Variants in SLC12A4 observed in about 807,000 individuals in gnomAD.
SLC12A4 encodes the protein electroneutral potassium-chloride cotransporter 1.
A neutral mutation model predicts 119.2 loss-of-function variants in SLC12A4; 84 were observed. That is an observed-to-expected ratio of 0.70 (90% CI 0.59 to 0.85). The LOEUF is 0.85. Ranked by LOEUF, SLC12A4 falls within the 40% of genes least tolerant of loss-of-function variation. The pLI, the probability that SLC12A4 is intolerant of heterozygous loss-of-function variation, is 0.00. For synonymous variants in SLC12A4, 599 were observed against 604.6 expected (o/e 0.99, Z 0.14); for missense variants, 1,298 against 1,476.3 (o/e 0.88, Z 1.98).
intron 1 of SLC12A4, chr16:67,964,140 AG>A: frequency 6.8e-7 from 1 of 1,471,654 alleles, no homozygotes; most frequent in African/African-American, 1.4e-5. Flanking sequence ...GGAGAGCGGA[AG>A]TGGATTCCAG....
Position 67,946,648 on chromosome 16 carries a change from C to A in SLC12A4, c.2242-15G>T. The A allele has an allele frequency of 6.3e-7, 1 of 1,599,420 alleles. No individual in the cohort carries two copies. Among genetic ancestry groups the A allele is most frequent in the Middle Eastern group, 1.7e-4 (1 of 5,980 alleles). ...TTCTTGATGGTCTGTGGGGAACACA[C>A]CCAGGGCCAATGGGAGGCCATCAGC... is the stretch of plus-strand genomic sequence containing the variant. On this transcript the variant is annotated splice_polypyrimidine_tract_variant and intron_variant, in intron 17 of 23. Transcript: ENST00000316341.
At chr16:67,954,539 G>A (rs1222012482) in intron 6 of SLC12A4, 104 bp downstream of exon 6, 1 of 1,398,912 alleles carries the variant, frequency 7.1e-7, no homozygotes, top group East Asian at 2.3e-5. Flanking sequence ...TAATACCCAG[G>A]CCTTGGCCAG....
rs540072972 is a variant in SLC12A4 at position 67,959,918 on chromosome 16, C to T, written c.342+1657G>A. Among the ~76,000 whole-genome samples, 184 of 152,374 alleles carry T rather than the reference C, an allele frequency of 1.2e-3. 2 individuals carry two copies. Among genetic ancestry groups the T allele is most frequent in the South Asian group, 8.7e-3 (42 of 4,826 alleles). The stretch of plus-strand genomic sequence containing the variant: ...CCTTTTCCGAGGCCCCTGCTCGGGC[C>T]TGCCCTGGGTGAGGACCACAGCTCA... On this transcript the variant is annotated intron_variant, in intron 3 of 23. Coordinates refer to ENST00000316341, the MANE Select transcript of SLC12A4 (RefSeq NM_005072.5).
intron 14 of SLC12A4, 108 bp from the exon 15 acceptor site, chr16:67,947,896 TG>T: frequency 6.6e-7 from 1 of 1,506,144 alleles, no homozygotes; most frequent in Non-Finnish European, 9.0e-7. Context: ...AGGTCCCAGG[TG>T]GGTGGTCAGG....
rs771589129 is a variant in SLC12A4, at chr16:67,946,957, C to T, written c.2221G>A (p.Glu741Lys). 12 of 1,613,130 alleles carry T rather than the reference C, an allele frequency of 7.4e-6. No individual in the cohort carries two copies. The highest frequency in any genetic ancestry group is 6.7e-5 in the East Asian group (3 of 44,876). Residue 741 changes from glutamate to lysine, a missense_variant, in exon 17 of 24, where the codon GAG becomes AAG. Coordinates refer to ENST00000316341, the MANE Select transcript of SLC12A4 (RefSeq NM_005072.5). ...IQGSFLESYG[E>K]AQAAEQTIKN... ...AGTACCTGCTCGGCGGCCTGAGCCT[C>T]GCCATAGCTCTCCAAGAAGCTCCCC...
chr16:67,947,794 C>T lies in SLC12A4; in HGVS notation c.1848-6G>A, dbSNP rs117213038. On this transcript the variant is annotated splice_polypyrimidine_tract_variant and splice_region_variant and intron_variant, in intron 14 of 23. Transcript: ENST00000316341. ...TGCCCAGGAAGGACAGCGCCCTGGA[C>T]GAGAGGGGAGGGCAGAGTCAGGGCA... is the stretch of plus-strand genomic sequence containing the variant. The T allele has an allele frequency of 9.6e-3, 15,249 of 1,583,350 alleles. 115 individuals carry two copies. Among genetic ancestry groups the T allele is most frequent in the Middle Eastern group, 0.044 (262 of 5,990 alleles).
chr16:67,968,310 A>G, intron 1 of SLC12A4, 129 bp downstream of exon 1: 1 of 813,264 alleles, frequency 1.2e-6, no homozygotes, highest in Non-Finnish European at 1.7e-6. Context: ...GGCGCGGTCC[A>G]AAAAAAGTTG....
chr16:67,961,471 C>T, intron 3 of SLC12A4, 104 bp downstream of exon 3: 1 of 1,495,430 alleles, frequency 6.7e-7, no homozygotes, highest in East Asian at 2.3e-5. Context: ...TGCTTGGCAC[C>T]CACTTCCCCC....
Position 67,950,971 on chromosome 16 carries a change from A to G in SLC12A4, c.1387T>C (p.Ser463Pro). 6.2e-7 allele frequency: 1 copy of G among 1,613,644 alleles called. No homozygotes were observed. Among genetic ancestry groups the G allele is most frequent in the Non-Finnish European group, 8.5e-7 (1 of 1,179,910 alleles). ...VGTILAIITT[S>P]LVYFSSVVLF... ...GCCTGGGAAAGGATACACACGAGGG[A>G]AGTTGTAATGATGGCCAGAATGGTC... The change falls in exon 10 of 24, where the codon TCC (serine) becomes CCC (proline). Residue 463 changes from serine to proline, a missense_variant. Coordinates refer to ENST00000316341, the MANE Select transcript of SLC12A4 (RefSeq NM_005072.5). The surrounding 1 kb of genome is among the most constrained non-coding windows in gnomAD (Gnocchi z 4.3).
rs2058395010 is a variant in SLC12A4 at position 67,949,958 on chromosome 16, A to C, written c.1630-40T>G. Reference sequence around the variant, plus strand: ...AAGGAAGCTGGGTCCTGTCACCCCCATTCCACACCTTGGGCCCCAGACCCC... The same window carrying C: ...AAGGAAGCTGGGTCCTGTCACCCCCCTTCCACACCTTGGGCCCCAGACCCC... On this transcript the variant is annotated intron_variant, in intron 12 of 23. Transcript: ENST00000316341. The surrounding 1 kb of genome is among the most constrained non-coding windows in gnomAD (Gnocchi z 4.6). 2 of 1,493,926 alleles carry C rather than the reference A, an allele frequency of 1.3e-6. No homozygotes were observed. The highest frequency in any genetic ancestry group is 1.4e-5 in the African/African-American group (1 of 72,396). 92.5% of individuals were successfully genotyped at this position (1,493,926 alleles called of 1,614,324 possible).
At position 67,968,583 on chromosome 16, in the gene SLC12A4, G is replaced by A. The variant is rs771701107; in HGVS notation, c.-30C>T. On this transcript the variant is annotated 5_prime_UTR_variant, in exon 1 of 24. It adds an upstream start codon to the 5' untranslated region. Transcript: ENST00000316341. ...CGGGCTCGGCCCCGCCGCACCCGCC[G>A]TCCCAGCCGCCCGCCGCTGTCCCCG... is the stretch of plus-strand genomic sequence containing the variant. 3.4e-6 allele frequency: 5 copies of A among 1,473,030 alleles called. No homozygotes were observed. In the Admixed American group the frequency reaches 1.1e-4, roughly 33 times the overall value. 91.2% of individuals were successfully genotyped at this position (1,473,030 alleles called of 1,614,324 possible). A position where few individuals can be genotyped will look rare whatever the true frequency, so the allele number is the denominator to read the frequency against.
At position 67,945,112 on chromosome 16, in the gene SLC12A4, G is replaced by T. The variant is rs780886752; in HGVS notation, c.3141C>A (p.Pro1047=). 6.3e-7 allele frequency: 1 copy of T among 1,592,300 alleles called. No homozygotes were observed. The highest frequency in any genetic ancestry group is 8.6e-7 in the Non-Finnish European group (1 of 1,167,924). ...RLVLLNMPGP[P]RNSEGDENYM... is the part of the protein sequence containing the mutation. ...AGTTCTCGTCGCCCTCACTGTTCCT[G>T]GGTGGGCCAGGCATGTTTAGGAGAA... Residue 1047 remains proline (P), a synonymous_variant, in exon 23 of 24, where the codon CCC becomes CCA. Transcript: ENST00000316341.
At chr16:67,952,103 C>A (rs1332231674) in intron 7 of SLC12A4, 66 bp from the exon 8 acceptor site, 5 of 1,608,604 alleles carry the variant, frequency 3.1e-6, no homozygotes, top group Non-Finnish European at 3.4e-6. Context: ...ACCCTGCAGT[C>A]TCTGGGATCT....
rs766770712 is a variant in SLC12A4, at chr16:67,946,567, C to A, written c.2308G>T (p.Val770Leu). 1 of 1,612,866 alleles carries A rather than the reference C, an allele frequency of 6.2e-7. No homozygotes were observed. The highest frequency in any genetic ancestry group is 1.7e-5 in the Admixed American group (1 of 60,034). ...GFCQVVVASK[V>L]REGLAHLIQS... ...ATGAGGTGGGCCAGCCCCTCCCGCA[C>A]CTTGCTGGCCACCACCACCTGGCAG... The change falls in exon 18 of 24, where the codon GTG (valine) becomes TTG (leucine). Residue 770 changes from valine to leucine, a missense_variant. Transcript: ENST00000316341.
chr16:67,946,677 C>T, intron 17 of SLC12A4, 44 bp from the exon 18 acceptor site: 1 of 1,575,572 alleles, frequency 6.3e-7, no homozygotes, highest in Admixed American at 1.7e-5. Context: ...CATCAGCTTC[C>T]TGCCTCTGGG....
At position 67,959,738 on chromosome 16, in the gene SLC12A4, G is replaced by A. The variant is rs764611457; in HGVS notation, c.343-1694C>T. On this transcript the variant is annotated intron_variant, in intron 3 of 23. Transcript: ENST00000316341. ...AAAAGGACAGTGTGGGAAAGGGCAG[G>A]GTGGGCCGGAAATGCTTTCTGCATC... Among the ~76,000 whole-genome samples, 90 of 152,188 alleles carry A rather than the reference G, an allele frequency of 5.9e-4. 1 individual carries two copies. Among genetic ancestry groups the A allele is most frequent in the Non-Finnish European group, 1.2e-3 (84 of 68,032 alleles).
intron 1 of SLC12A4, chr16:67,964,027 T>G: frequency 6.4e-7 from 1 of 1,551,038 alleles, no homozygotes; most frequent in Non-Finnish European, 8.7e-7. Flanking sequence ...TCGGCTGCCA[T>G]GGCCCAAAGG....
At position 67,963,843 on chromosome 16, in the gene SLC12A4, C is replaced by CG. The variant is rs1379376801; in HGVS notation, c.116-285dup. The CG allele has an allele frequency of 2.0e-6, 3 of 1,492,864 alleles. No homozygotes were observed. In the East Asian group the frequency reaches 7.4e-5, roughly 37 times the overall value. The allele number at this position is 1,492,864 out of a possible 1,614,324, so 92.5% of individuals were successfully genotyped here. A position where few individuals can be genotyped will look rare whatever the true frequency, so the allele number is the denominator to read the frequency against. On this transcript the variant is annotated intron_variant, in intron 1 of 23. Coordinates refer to ENST00000316341, the MANE Select transcript of SLC12A4 (RefSeq NM_005072.5). ...ACAAGCACGTATGGACACTGAGGGA[C>CG]GGGGCCTGCAGAGGGGCGGGGCCAG...
Position 67,950,682 on chromosome 16 carries a change from A to G in SLC12A4, c.1426T>C (p.Cys476Arg). 1 of 1,612,122 alleles carries G rather than the reference A, an allele frequency of 6.2e-7. No individual in the cohort carries two copies. The highest frequency in any genetic ancestry group is 1.7e-5 in the Admixed American group (1 of 59,800). ...TCCCGGAGAACCACACCCTCAATGC[A>G]GGCACCAAAGAGAACCACACTGCTG... is the stretch of plus-strand genomic sequence containing the variant. ...YFSSVVLFGA[C>R]IEGVVLRDKY... The change falls in exon 11 of 24, where the codon TGC becomes CGC. Residue 476 changes from cysteine to arginine, a missense_variant. Transcript: ENST00000316341. The surrounding 1 kb of genome is among the most constrained non-coding windows in gnomAD (Gnocchi z 4.3).
Sources: allele counts gnomAD v4.1 joint callset (sites outside exome capture counted in the v4.1 genomes callset), GRCh38; gene constraint gnomAD v4.1.1; non-coding constraint Gnocchi (gnomAD v3.1); transcripts MANE v1.5; gene names NCBI Gene and HGNC (gene_info 2026-07-23, HGNC 2026-07-21).